Variants in LMBR1 observed in about 807,000 individuals in gnomAD.
LMBR1 encodes the protein limb region 1 protein homolog.
Under a neutral mutation model 73.9 loss-of-function variants are expected in LMBR1, and 52 were observed. The observed-to-expected ratio is 0.70, with a 90% CI of 0.56 to 0.89. The LOEUF is 0.89. Ranked by LOEUF, LMBR1 falls within the 40% of genes least tolerant of loss-of-function variation. LMBR1 has a pLI of 0.00. For synonymous variants in LMBR1, 215 were observed against 209.4 expected (o/e 1.03, Z -0.23); for missense variants, 539 against 579.8 (o/e 0.93, Z 0.72).
At chr7:156,793,169 G>A (rs186828004) in intron 5 of LMBR1, among the ~76,000 whole-genome samples, 64 of 152,128 alleles carry the variant, frequency 4.2e-4, no homozygotes, top group African/African-American at 1.3e-3. Context: ...ATAAAGCAAC[G>A]AAGTTAATTC....
chr7:156,763,196 A>G lies in LMBR1; in HGVS notation c.551-20T>C. On this transcript the variant is annotated intron_variant, in intron 6 of 16. Coordinates refer to ENST00000353442, the MANE Select transcript of LMBR1 (RefSeq NM_022458.4). ...AGAGATCTATTAAAAAAAAGTAAATATATTTTAATAAATCCAAAATACTGC... is the reference window on the plus strand; with the variant it reads ...AGAGATCTATTAAAAAAAAGTAAATGTATTTTAATAAATCCAAAATACTGC... 1 of 1,087,468 alleles carries G rather than the reference A, an allele frequency of 9.2e-7. No individual in the cohort carries two copies. Among genetic ancestry groups the G allele is most frequent in the Admixed American group, 2.4e-5 (1 of 42,118 alleles). The allele number at this position is 1,087,468 out of a possible 1,614,324, so 67.4% of individuals were successfully genotyped here. A position where few individuals can be genotyped will look rare whatever the true frequency, so the allele number is the denominator to read the frequency against.
intron 9 of LMBR1, among the ~76,000 whole-genome samples, chr7:156,754,671 A>T (rs533800527): frequency 2.6e-5 from 4 of 152,326 alleles, no homozygotes; most frequent in Admixed American, 6.5e-5. Flanking sequence ...TAACTGTTAC[A>T]ACAAAACACA....
In LMBR1 at chr7:156,670,543, GGAAGCCCAATAT is replaced by G. The variant is rs1802262796; in HGVS notation, n.867-1268_867-1257del. On this transcript the variant is annotated intron_variant and non_coding_transcript_variant, in intron 4 of 4. Transcript: ENST00000430825. The surrounding 1 kb of genome is among the most constrained non-coding windows in gnomAD (Gnocchi z 4.3). Reference sequence around the variant, plus strand: ...CAAGCCACAGATTTAAGAAGCCCAAGGAAGCCCAATATGATTTTGTTTTAAGTGTCTAGTGAG... The same window carrying G: ...CAAGCCACAGATTTAAGAAGCCCAAGGATTTTGTTTTAAGTGTCTAGTGAG... 2.0e-5 allele frequency among the ~76,000 whole-genome samples: 3 copies of G among 152,192 alleles called. No individual in the cohort carries two copies. The South Asian group carries it at 6.2e-4, about 32-fold the overall frequency.
intron 9 of LMBR1, among the ~76,000 whole-genome samples, chr7:156,742,280 T>C (rs1819038573): frequency 6.6e-6 from 1 of 150,610 alleles, no homozygotes; most frequent in Non-Finnish European, 1.5e-5. Flanking sequence ...AAAGAAATAA[T>C]AAAGATCAAA....
At chr7:156,861,604 C>T (rs1409237903) in intron 1 of LMBR1, among the ~76,000 whole-genome samples, 1 of 152,166 alleles carries the variant, frequency 6.6e-6, no homozygotes, top group Non-Finnish European at 1.5e-5. Context: ...CATTGTCAGG[C>T]TGCGAATTTT....
intron 1 of LMBR1, among the ~76,000 whole-genome samples, chr7:156,890,193 C>T (rs1028601151): frequency 3.3e-5 from 5 of 151,860 alleles, no homozygotes; most frequent in Admixed American, 6.5e-5. Context: ...AAAATAAATT[C>T]GAAATAGATT....
In LMBR1 at chr7:156,680,415, T is replaced by TGTGTGTGTGC. The variant is rs1554456729; in HGVS notation, c.*3662_*3663insGCACACACAC. 11 of 147,060 alleles carry TGTGTGTGTGC rather than the reference T, an allele frequency of 7.5e-5. No homozygotes were observed. Among genetic ancestry groups the TGTGTGTGTGC allele is most frequent in the African/African-American group, 3.0e-4 (11 of 36,930 alleles). 9.1% of individuals were successfully genotyped at this position (147,060 alleles called of 1,614,324 possible). A position where few individuals can be genotyped will look rare whatever the true frequency, so the allele number is the denominator to read the frequency against. The stretch of plus-strand genomic sequence containing the variant: ...GAGAGAGAGAGAGAGTGTGTGTGTG[T>TGTGTGTGTGC]GTGTGTGTGTAATGGGTTATTTCTT... On this transcript the variant is annotated 3_prime_UTR_variant, in exon 17 of 17. Transcript: ENST00000353442.
intron 1 of LMBR1, among the ~76,000 whole-genome samples, chr7:156,851,247 T>C (rs754613579): frequency 2.6e-5 from 4 of 152,188 alleles, no homozygotes; most frequent in Non-Finnish European, 4.4e-5. Context: ...AAATTACCAA[T>C]GCCCTATCTT....
intron 4 of LMBR1, 61 bp from the exon 5 acceptor site, chr7:156,796,553 A>C: frequency 9.6e-7 from 1 of 1,039,668 alleles, no homozygotes; most frequent in South Asian, 1.5e-5. Context: ...TGTGGTATTA[A>C]TCAAGATCTA....
intron 4 of LMBR1, among the ~76,000 whole-genome samples, chr7:156,672,171 GC>G (rs1373065848): frequency 1.3e-5 from 2 of 152,138 alleles, no homozygotes; most frequent in African/African-American, 4.8e-5. Context: ...AGTGTTAAGG[GC>G]CACCCTCCCT....
chr7:156,763,410 C>T (rs537509970), intron 6 of LMBR1, among the ~76,000 whole-genome samples: 18 of 145,516 alleles, frequency 1.2e-4, no homozygotes, highest in Non-Finnish European at 2.1e-4. Flanking sequence ...AATGTCTCCA[C>T]GGAATTTGAA....
intron 12 of LMBR1, among the ~76,000 whole-genome samples, chr7:156,727,214 C>G (rs1378408422): frequency 1.3e-5 from 2 of 152,170 alleles, no homozygotes; most frequent in Non-Finnish European, 2.9e-5. Flanking sequence ...ATTATGCTAT[C>G]TCAAGAGAAG....
intron 2 of LMBR1, among the ~76,000 whole-genome samples, chr7:156,836,173 A>G (rs1194332083): frequency 6.6e-6 from 1 of 152,252 alleles, no homozygotes; most frequent in East Asian, 1.9e-4. Flanking sequence ...GTATTCATAC[A>G]GCACCTACTA....
chr7:156,691,969 T>G (rs1807284764), intron 15 of LMBR1, among the ~76,000 whole-genome samples: 2 of 152,248 alleles, frequency 1.3e-5, no homozygotes. Flanking sequence ...TAATTTAAAT[T>G]GGCTCATTGC....
chr7:156,885,356 GA>G (rs77851787), intron 1 of LMBR1, among the ~76,000 whole-genome samples: 13,212 of 123,806 alleles, frequency 0.11, 649 homozygotes, highest in South Asian at 0.15. Flanking sequence ...CCGTGTAAAA[GA>G]AAAAAAAAAA....
rs561070359 is a variant in LMBR1, at chr7:156,678,943, T to G, written c.*5135A>C. ...TGGGACTGGAGGCATTTGATAAGAATAAAGGTTATAATCTAGAATGAGGAT... is the reference window on the plus strand; with the variant it reads ...TGGGACTGGAGGCATTTGATAAGAAGAAAGGTTATAATCTAGAATGAGGAT... On this transcript the variant is annotated 3_prime_UTR_variant, in exon 17 of 17. Coordinates refer to ENST00000353442, the MANE Select transcript of LMBR1 (RefSeq NM_022458.4). 6.6e-6 allele frequency: 1 copy of G among 152,156 alleles called. No individual in the cohort carries two copies. Among genetic ancestry groups the G allele is most frequent in the African/African-American group, 2.4e-5 (1 of 41,432 alleles). 9.4% of individuals were successfully genotyped at this position (152,156 alleles called of 1,614,324 possible).
chr7:156,892,970 C>CGACA lies in LMBR1; in HGVS notation c.20_23dup (p.Ala9ValfsTer41). On this transcript the variant is annotated frameshift_variant, in exon 1 of 17. Transcript: ENST00000353442. LOFTEE classifies it high-confidence loss of function. The stretch of plus-strand genomic sequence containing the variant: ...GGCTGTGGAAGTGCTGCTCCCGCGC[C>CGACA]GACACCTCGTCCTGCCCTTCCATCC... The CGACA allele has an allele frequency of 6.5e-7, 1 of 1,542,786 alleles. No individual in the cohort carries two copies. The highest frequency in any genetic ancestry group is 8.7e-7 in the Non-Finnish European group (1 of 1,151,960).
intron 5 of LMBR1, among the ~76,000 whole-genome samples, chr7:156,775,096 G>A (rs193289625): frequency 1.0e-3 from 157 of 152,222 alleles, no homozygotes; most frequent in East Asian, 2.7e-3. Context: ...AGACAAGCAC[G>A]GTGGCTCACG....
chr7:156,772,700 T>C lies in LMBR1; in HGVS notation c.424-8905A>G, dbSNP rs138093776. 1.7e-3 allele frequency among the ~76,000 whole-genome samples: 252 copies of C among 151,916 alleles called. 5 individuals are homozygous for C. In the East Asian group the frequency reaches 0.032, roughly 19 times the overall value. ...CTGCATCTACTAAAAATAAAAAAAT[T>C]AGCTGGGCGTGGTGGCAGGCACCTG... On this transcript the variant is annotated intron_variant, in intron 5 of 16. Coordinates refer to ENST00000353442, the MANE Select transcript of LMBR1 (RefSeq NM_022458.4).
Sources: gnomAD v4.1 joint callset for allele counts (sites outside exome capture counted in the v4.1 genomes callset) on GRCh38, gnomAD v4.1.1 for gene constraint, Gnocchi (gnomAD v3.1) non-coding constraint, MANE v1.5 for transcripts, NCBI Gene and HGNC (gene_info 2026-07-23, HGNC 2026-07-21) for gene names.